SASH1: variants seen among roughly 807,000 people sequenced by gnomAD.
SASH1 encodes SAM and SH3 domain-containing protein 1.
A neutral mutation model predicts 125.2 loss-of-function variants in SASH1; 44 were observed. The ratio of observed to expected loss-of-function variants is 0.35; its 90% confidence interval spans 0.28 to 0.45. The LOEUF is 0.45. Among genes scored for constraint, SASH1 ranks in the 20% least tolerant of loss-of-function variants. SASH1 has a pLI of 1.00. For synonymous variants in SASH1, 639 were observed against 649.1 expected, an observed-to-expected ratio of 0.98 and a Z score of 0.24; for missense variants, 1,426 against 1,614.5, an observed-to-expected ratio of 0.88 and a Z score of 2.00.
intron 2 of SASH1, among the ~76,000 whole-genome samples, chr6:148,417,620 T>C (rs1784882023): frequency 8.7e-6 from 1 of 114,574 alleles, no homozygotes; most frequent in Admixed American, 9.6e-5. Flanking sequence ...AGAGCATGTA[T>C]CCCATAGTCA....
At chr6:148,476,777 C>T (rs1318796301) in intron 7 of SASH1, among the ~76,000 whole-genome samples, 1 of 152,080 alleles carries the variant, frequency 6.6e-6, no homozygotes, top group Non-Finnish European at 1.5e-5. Context: ...GCAAAAAGAA[C>T]AAAACTGGGG....
intron 2 of SASH1, among the ~76,000 whole-genome samples, chr6:148,420,634 C>T (rs952550380): frequency 6.6e-6 from 1 of 152,188 alleles, no homozygotes; most frequent in Non-Finnish European, 1.5e-5. Flanking sequence ...CTTGTTCATA[C>T]TCCTTAGCCT....
chr6:148,350,948 G>C (rs746735891), intron 1 of SASH1, among the ~76,000 whole-genome samples: 2 of 152,134 alleles, frequency 1.3e-5, no homozygotes, highest in Non-Finnish European at 2.9e-5. Context: ...CATTAGCTTT[G>C]CTCCTAGCCA....
intron 8 of SASH1, among the ~76,000 whole-genome samples, chr6:148,507,966 A>G (rs1335819589): frequency 6.6e-6 from 1 of 152,228 alleles, no homozygotes; most frequent in East Asian, 1.9e-4. Context: ...TGTGTTGTTT[A>G]GATGATGTTC....
the SASH1 span, among the ~76,000 whole-genome samples, chr6:148,222,114 G>A: frequency 6.6e-6 from 1 of 152,082 alleles, no homozygotes; most frequent in Non-Finnish European, 1.5e-5. Flanking sequence ...AATGTGTGGG[G>A]CACCTTTGCT....
chr6:148,354,529 G>A (rs1185039669), intron 1 of SASH1, among the ~76,000 whole-genome samples: 1 of 151,878 alleles, frequency 6.6e-6, no homozygotes, highest in African/African-American at 2.4e-5. Context: ...TCAGTTAGCA[G>A]CTATTTTTTA....
Position 148,415,059 on chromosome 6 carries a change from A to G in SASH1, c.285+24797A>G, listed in dbSNP as rs573498983. Among the ~76,000 whole-genome samples, 3 of 152,356 alleles carry G rather than the reference A, an allele frequency of 2.0e-5. No homozygotes were observed. The East Asian group carries it at 5.8e-4, about 29-fold the overall frequency. ...GTGCATTTAATCAACATGAGTCACC[A>G]CCATCGACTTCACAGAGTGCACAGT... On this transcript the variant is annotated intron_variant, in intron 2 of 19. Transcript: ENST00000367467.
At chr6:148,512,959 G>T in intron 8 of SASH1, 1 of 985,414 alleles carries the variant, frequency 1.0e-6, no homozygotes, top group Non-Finnish European at 1.2e-6. Flanking sequence ...CCAGGGTGAG[G>T]ACAGAGGCCA....
intron 4 of SASH1, among the ~76,000 whole-genome samples, chr6:148,441,112 A>T (rs1233764676): frequency 6.6e-6 from 1 of 152,162 alleles, no homozygotes; most frequent in Non-Finnish European, 1.5e-5. Context: ...GTGATCTTCC[A>T]TGGTAAAAAA....
intron 9 of SASH1, among the ~76,000 whole-genome samples, chr6:148,515,213 G>A (rs931429963): frequency 4.6e-5 from 7 of 152,014 alleles, no homozygotes; most frequent in African/African-American, 1.7e-4. Flanking sequence ...TTTTCTGTTT[G>A]AAAAATGAAA....
At chr6:148,320,341 G>A (rs1780605568) in intron 1 of SASH1, among the ~76,000 whole-genome samples, 1 of 152,232 alleles carries the variant, frequency 6.6e-6, no homozygotes, top group African/African-American at 2.4e-5. Flanking sequence ...CATTATTGGT[G>A]TATGGGCCAC....
intron 1 of SASH1, among the ~76,000 whole-genome samples, chr6:148,350,170 G>A (rs145548800): frequency 6.6e-6 from 1 of 152,236 alleles, no homozygotes; most frequent in East Asian, 1.9e-4. Context: ...TAAAGGAAAA[G>A]GCGGCCAGGC....
At chr6:148,290,933 C>T (rs1307947785) in intron 1 of SASH1, among the ~76,000 whole-genome samples, 2 of 147,664 alleles carry the variant, frequency 1.4e-5, no homozygotes, top group African/African-American at 5.0e-5. Flanking sequence ...TTTAAAATTT[C>T]ATTATGTTTT....
intron 1 of SASH1, among the ~76,000 whole-genome samples, chr6:148,313,376 A>G (rs905654746): frequency 6.6e-6 from 1 of 152,100 alleles, no homozygotes; most frequent in African/African-American, 2.4e-5. Flanking sequence ...GAGTAGCTTC[A>G]AGCTATTACT....
intron 8 of SASH1, among the ~76,000 whole-genome samples, chr6:148,494,029 A>C (rs1477104117): frequency 1.3e-5 from 2 of 152,192 alleles, no homozygotes; most frequent in Non-Finnish European, 2.9e-5. Flanking sequence ...GAAGACATTT[A>C]AAGAAATTAT....
upstream of SASH1, among the ~76,000 whole-genome samples, chr6:148,338,567 A>T (rs902076716): frequency 6.6e-6 from 1 of 152,276 alleles, no homozygotes; most frequent in Middle Eastern, 3.4e-3. Context: ...TTTGACCTAG[A>T]TCTTTTTCGA....
the SASH1 span, among the ~76,000 whole-genome samples, chr6:148,257,529 C>T: frequency 6.6e-6 from 1 of 151,926 alleles, no homozygotes; most frequent in Non-Finnish European, 1.5e-5. Context: ...GCATGTAATC[C>T]TTTCAGTATG....
chr6:148,486,198 G>A (rs1023220477), intron 7 of SASH1, among the ~76,000 whole-genome samples: 1 of 152,054 alleles, frequency 6.6e-6, no homozygotes, highest in Non-Finnish European at 1.5e-5. Flanking sequence ...TCGGCTCACC[G>A]CAACCTCTGC....
At position 148,370,065 on chromosome 6, in the gene SASH1, T is replaced by C. The variant is rs1782651582; in HGVS notation, c.157-20069T>C. ...AAAAAAAATTCTCAAAATAGATAATTTGTTAATAACAAATAGCATTTTTCT... is the reference window on the plus strand; with the variant it reads ...AAAAAAAATTCTCAAAATAGATAATCTGTTAATAACAAATAGCATTTTTCT... On this transcript the variant is annotated intron_variant, in intron 1 of 19. Transcript: ENST00000367467. Among the ~76,000 whole-genome samples the C allele has an allele frequency of 2.0e-5, 3 of 148,670 alleles. No individual in the cohort carries two copies. The South Asian group carries it at 6.4e-4, about 32-fold the overall frequency.
Sources: allele counts gnomAD v4.1 joint callset (sites outside exome capture counted in the v4.1 genomes callset), GRCh38; gene constraint gnomAD v4.1.1; transcripts MANE v1.5; gene names NCBI Gene and HGNC (gene_info 2026-07-23, HGNC 2026-07-21).